The following PARD3B variants were observed in gnomAD, a reference collection of about 807,000 sequenced individuals.
The protein encoded by PARD3B is partitioning defective 3 homolog B.
Under a neutral mutation model 130.2 loss-of-function variants are expected in PARD3B, and 103 were observed. That is an observed-to-expected ratio of 0.79 (90% confidence interval 0.67 to 0.93). The LOEUF is 0.93. Ranked by LOEUF, PARD3B falls within the 40% of genes least tolerant of loss-of-function variation. The probability of loss-of-function intolerance (pLI) is 0.00; values close to 1 mark genes in which losing one functional copy is unlikely to be tolerated. For synonymous variants in PARD3B, 583 were observed against 553.2 expected (o/e 1.05, Z -0.76); for missense variants, 1,609 against 1,499.2 (o/e 1.07, Z -1.21).
chr2:204,860,347 T>G (rs1245356346), intron 2 of PARD3B, among the ~76,000 whole-genome samples: 6 of 152,348 alleles, frequency 3.9e-5, no homozygotes, highest in East Asian at 1.9e-4. Context: ...TTGGTTTGCT[T>G]GCTCTCTCTT....
chr2:205,205,623 A>G (rs2037245540), intron 15 of PARD3B, among the ~76,000 whole-genome samples: 2 of 152,168 alleles, frequency 1.3e-5, no homozygotes, highest in East Asian at 1.9e-4. Flanking sequence ...ACATTCCATC[A>G]ATACCTAGTT....
intron 9 of PARD3B, 69 bp downstream of exon 9, chr2:205,124,535 T>G (rs2031155058): frequency 8.7e-7 from 1 of 1,148,962 alleles, no homozygotes; most frequent in African/African-American, 1.6e-5. Context: ...TTAATTGCAT[T>G]GAAATATATG....
At chr2:205,297,504 T>C (rs1026770688) in intron 16 of PARD3B, among the ~76,000 whole-genome samples, 4 of 152,188 alleles carry the variant, frequency 2.6e-5, no homozygotes, top group African/African-American at 7.2e-5. Context: ...TGCCTTTCAA[T>C]TGACATTATA....
intron 2 of PARD3B, among the ~76,000 whole-genome samples, chr2:204,746,120 A>C (rs1390916667): frequency 9.7e-5 from 12 of 123,694 alleles, no homozygotes; most frequent in African/African-American, 3.3e-4. Context: ...TCCTAATGCT[A>C]TCCCTCCCCC....
intron 1 of PARD3B, among the ~76,000 whole-genome samples, chr2:204,657,026 T>G (rs906630246): frequency 2.0e-5 from 3 of 152,228 alleles, no homozygotes; most frequent in Admixed American, 2.0e-4. Flanking sequence ...ATTTTAGAAC[T>G]GCTGCTTCTT....
chr2:204,829,419 G>C (rs1324372470), intron 2 of PARD3B, among the ~76,000 whole-genome samples: 2 of 152,166 alleles, frequency 1.3e-5, no homozygotes, highest in East Asian at 3.9e-4. Context: ...TTCAAATCTT[G>C]TACTTTGTCT....
intron 10 of PARD3B, among the ~76,000 whole-genome samples, chr2:205,129,961 G>A (rs372227440): frequency 6.6e-5 from 10 of 152,142 alleles, no homozygotes; most frequent in African/African-American, 1.9e-4. Context: ...ATTGATTAAC[G>A]TCCCAAGTTT....
At chr2:204,896,471 C>T (rs1283318892) in intron 2 of PARD3B, among the ~76,000 whole-genome samples, 1 of 152,020 alleles carries the variant, frequency 6.6e-6, no homozygotes, top group Non-Finnish European at 1.5e-5. Flanking sequence ...CATGTTTATC[C>T]CATCCATCTA....
In PARD3B at chr2:204,838,637, C is replaced by G. The variant is rs186820008; in HGVS notation, c.223-126515C>G. On this transcript the variant is annotated intron_variant, in intron 2 of 22. Transcript: ENST00000406610. Reference sequence around the variant, plus strand: ...TACAGTGTGATAGAAGAAATAAGACCTAGTGTTTGATAGAATCAGTAGGGT... The same window carrying G: ...TACAGTGTGATAGAAGAAATAAGACGTAGTGTTTGATAGAATCAGTAGGGT... Among the ~76,000 whole-genome samples, 466 of 151,956 alleles carry G rather than the reference C, an allele frequency of 3.1e-3. 1 individual carries two copies. Among genetic ancestry groups the G allele is most frequent in the African/African-American group, 0.01 (431 of 41,442 alleles).
chr2:205,169,359 A>G (rs1445866340), intron 11 of PARD3B, among the ~76,000 whole-genome samples: 2 of 152,188 alleles, frequency 1.3e-5, no homozygotes, highest in African/African-American at 4.8e-5. Context: ...TACAGGAAAC[A>G]TGCCCTACTT....
At chr2:205,582,470 T>A (rs1007998461) in intron 22 of PARD3B, among the ~76,000 whole-genome samples, 4 of 152,196 alleles carry the variant, frequency 2.6e-5, no homozygotes, top group Non-Finnish European at 4.4e-5. Flanking sequence ...GCAGGTTCAA[T>A]CAGAGAAGGA....
chr2:204,764,014 G>T (rs2041022660), intron 2 of PARD3B, among the ~76,000 whole-genome samples: 1 of 152,044 alleles, frequency 6.6e-6, no homozygotes, highest in Non-Finnish European at 1.5e-5. Context: ...CATTGCCTGA[G>T]GTATACCCTA....
chr2:204,555,057 G>A (rs114905067), intron 1 of PARD3B, among the ~76,000 whole-genome samples: 190 of 152,306 alleles, frequency 1.2e-3, no homozygotes, highest in African/African-American at 4.3e-3. Context: ...TCAGTCTGCA[G>A]TAAAAACCTT....
At chr2:205,042,898 A>G (rs1698491383) in intron 3 of PARD3B, among the ~76,000 whole-genome samples, 1 of 151,430 alleles carries the variant, frequency 6.6e-6, no homozygotes, top group African/African-American at 2.4e-5. Flanking sequence ...AAACCCAGCA[A>G]GCAGTTCTAT....
Position 205,268,266 on chromosome 2 carries a change from A to G in PARD3B, c.2185+22444A>G, listed in dbSNP as rs2040587793. 6.6e-6 allele frequency among the ~76,000 whole-genome samples: 1 copy of G among 152,268 alleles called. No individual in the cohort carries two copies. Among genetic ancestry groups the G allele is most frequent in the African/African-American group, 2.4e-5 (1 of 41,474 alleles). ...CTTGTGACATACATGCATTAGTGAA[A>G]GTAAATAAGCATGAAGACAGACTGA... On this transcript the variant is annotated intron_variant, in intron 16 of 22. Transcript: ENST00000406610. This position sits in a 1 kb window ranked among gnomAD's most constrained non-coding sequence, Gnocchi z 4.1.
chr2:205,554,049 T>C (rs141288399), intron 22 of PARD3B, among the ~76,000 whole-genome samples: 255 of 152,294 alleles, frequency 1.7e-3, no homozygotes, highest in African/African-American at 6.1e-3. Flanking sequence ...GAAGAGGAAT[T>C]TTAGTTTGCT....
chr2:204,743,415 A>G (rs955281988), intron 2 of PARD3B, among the ~76,000 whole-genome samples: 1 of 152,164 alleles, frequency 6.6e-6, no homozygotes, highest in Non-Finnish European at 1.5e-5. Flanking sequence ...AGGATTTAAA[A>G]CAAGCTCTAA....
chr2:205,608,329 A>G (rs2055094147), intron 22 of PARD3B, among the ~76,000 whole-genome samples: 1 of 152,314 alleles, frequency 6.6e-6, no homozygotes, highest in East Asian at 1.9e-4. Context: ...CACAGTGTTT[A>G]GATACTGAAA....
intron 4 of PARD3B, among the ~76,000 whole-genome samples, chr2:205,085,950 T>G (rs897092389): frequency 6.6e-6 from 1 of 152,194 alleles, no homozygotes; most frequent in Non-Finnish European, 1.5e-5. Context: ...CTTTAAAATG[T>G]GCTCAGAATT....
Sources: allele counts gnomAD v4.1 joint callset (sites outside exome capture counted in the v4.1 genomes callset), GRCh38; gene constraint gnomAD v4.1.1; non-coding constraint Gnocchi (gnomAD v3.1); transcripts MANE v1.5; gene names NCBI Gene and HGNC (gene_info 2026-07-23, HGNC 2026-07-21).